Variants in EPHA4 observed in about 807,000 individuals in gnomAD.
EPHA4 encodes EPH receptor A4.
In EPHA4, 19 loss-of-function variants were observed where a neutral mutation model predicts 108.3. The observed-to-expected ratio is 0.18, with a 90% CI of 0.12 to 0.26. The LOEUF (loss-of-function observed/expected upper bound fraction) is 0.26. Among genes scored for constraint, EPHA4 ranks in the 10% least tolerant of loss-of-function variants. EPHA4 has a pLI of 1.00. For missense variants in EPHA4, 917 were observed against 1,254.0 expected (o/e 0.73, Z 4.06); for synonymous variants, 449 against 455.5 (o/e 0.99, Z 0.18).
chr2:221,546,515 A>G (rs1181154158), intron 3 of EPHA4, among the ~76,000 whole-genome samples: 1 of 151,104 alleles, frequency 6.6e-6, no homozygotes, highest in East Asian at 1.9e-4. Context: ...TATTTATTAT[A>G]TATTTTATTA....
chr2:221,427,003 G>T (rs1029334163), intron 15 of EPHA4, among the ~76,000 whole-genome samples: 5 of 152,124 alleles, frequency 3.3e-5, no homozygotes, highest in African/African-American at 1.2e-4. Context: ...ACAGACTTTC[G>T]TTCAGCAACT....
In EPHA4 at chr2:221,426,142, C is replaced by T. The variant is rs1273368397; in HGVS notation, c.2847G>A (p.Glu949=). The change falls in exon 17 of 18, where the codon GAG becomes GAA. Residue 949 remains glutamate, a splice_region_variant and synonymous_variant. Transcript: ENST00000281821. ...CTGTGATACCAATTCTTGCCAGGTC[C>T]CTGTACATAGGGCGACAAAAAAGGG... is the stretch of plus-strand genomic sequence containing the variant. ...TLEAVVHVNQ[E]DLARIGITAI... 4 of 1,613,550 alleles carry T rather than the reference C, an allele frequency of 2.5e-6. No individual in the cohort carries two copies. The highest frequency in any genetic ancestry group is 1.7e-5 in the Admixed American group (1 of 60,002).
chr2:221,436,938 C>T, intron 12 of EPHA4, 123 bp downstream of exon 12: 1 of 752,002 alleles, frequency 1.3e-6, no homozygotes, highest in Non-Finnish European at 2.3e-6. Context: ...TCCATTTCTC[C>T]TCTTCTTTCT....
chr2:221,555,510 A>G (rs1694279247), intron 3 of EPHA4, among the ~76,000 whole-genome samples: 1 of 152,224 alleles, frequency 6.6e-6, no homozygotes, highest in South Asian at 2.1e-4. Context: ...CAGTACCAAC[A>G]TGTGTGTTTC....
At chr2:221,463,850 T>A (rs950751852) in intron 5 of EPHA4, among the ~76,000 whole-genome samples, 1 of 152,184 alleles carries the variant, frequency 6.6e-6, no homozygotes, top group African/African-American at 2.4e-5. Context: ...GTTCCTGAGC[T>A]AGAAAATTGT....
intron 2 of EPHA4, among the ~76,000 whole-genome samples, chr2:221,564,887 C>CAA (rs1233305564): frequency 0.028 from 2,040 of 71,964 alleles, 57 homozygotes; most frequent in African/African-American, 0.075. Context: ...TCTAATACCT[C>CAA]AAAAAAAAAA....
chr2:221,484,553 A>G (rs1211872296), intron 4 of EPHA4, among the ~76,000 whole-genome samples: 1 of 152,196 alleles, frequency 6.6e-6, no homozygotes, highest in Non-Finnish European at 1.5e-5. Flanking sequence ...AGAAAATACA[A>G]ATTTCTTTCT....
At position 221,427,426 on chromosome 2, in the gene EPHA4, C is replaced by T. The variant is rs112071426; in HGVS notation, c.2691-807G>A. 5.8e-3 allele frequency among the ~76,000 whole-genome samples: 885 copies of T among 152,246 alleles called. 8 individuals are homozygous for T. Among genetic ancestry groups the T allele is most frequent in the African/African-American group, 0.02 (834 of 41,530 alleles). ...ATTACAGGCTGGAATTCTGCCTTTC[C>T]TAATGATATTGACATATAAAAAATC... On this transcript the variant is annotated intron_variant, in intron 15 of 17. Transcript: ENST00000281821.
chr2:221,559,662 C>T (rs1353204266), intron 3 of EPHA4, among the ~76,000 whole-genome samples: 2 of 152,168 alleles, frequency 1.3e-5, no homozygotes, highest in East Asian at 1.9e-4. Flanking sequence ...ACATCTGGAA[C>T]ATTTCTTCAT....
chr2:221,496,458 G>T (rs1692299339), intron 4 of EPHA4, among the ~76,000 whole-genome samples: 1 of 152,174 alleles, frequency 6.6e-6, no homozygotes, highest in Non-Finnish European at 1.5e-5. Flanking sequence ...GAAAGGAAGA[G>T]CCATAGGCTA....
chr2:221,445,371 C>T (rs1368672237), intron 9 of EPHA4, among the ~76,000 whole-genome samples: 1 of 151,802 alleles, frequency 6.6e-6, no homozygotes, highest in Non-Finnish European at 1.5e-5. Flanking sequence ...GGGCGGATCA[C>T]GAGGTCAGGA....
intron 4 of EPHA4, among the ~76,000 whole-genome samples, chr2:221,483,937 C>T (rs894126791): frequency 6.6e-6 from 1 of 152,156 alleles, no homozygotes; most frequent in Non-Finnish European, 1.5e-5. Flanking sequence ...CACACTCAAA[C>T]GAGACATAGC....
chr2:221,511,793 T>C (rs1692840727), intron 3 of EPHA4, among the ~76,000 whole-genome samples: 1 of 152,230 alleles, frequency 6.6e-6, no homozygotes, highest in South Asian at 2.1e-4. Context: ...ATAATCACAA[T>C]AATTCCTTTT....
At chr2:221,485,341 T>A (rs1559261562) in intron 4 of EPHA4, among the ~76,000 whole-genome samples, 1 of 152,174 alleles carries the variant, frequency 6.6e-6, no homozygotes, top group Non-Finnish European at 1.5e-5. Context: ...CGAAAACACG[T>A]GCTAAGCTAG....
chr2:221,426,744 A>G (rs1475870681), intron 15 of EPHA4, 125 bp from the exon 16 acceptor site: 26 of 830,148 alleles, frequency 3.1e-5, no homozygotes, highest in Non-Finnish European at 4.6e-5. Flanking sequence ...TAAATGGAAC[A>G]ATTGTTGTTA....
intron 4 of EPHA4, among the ~76,000 whole-genome samples, chr2:221,484,278 T>C (rs1183346916): frequency 6.6e-6 from 1 of 152,188 alleles, no homozygotes; most frequent in Non-Finnish European, 1.5e-5. Context: ...CAGTGATTAA[T>C]GGCCAATTAT....
At position 221,526,463 on chromosome 2, in the gene EPHA4, G is replaced by A. The variant is rs181852197; in HGVS notation, c.824-25291C>T. 3.5e-3 allele frequency among the ~76,000 whole-genome samples: 535 copies of A among 151,750 alleles called. 2 individuals carry two copies. Among genetic ancestry groups the A allele is most frequent in the South Asian group, 7.7e-3 (37 of 4,808 alleles). Reference sequence around the variant, plus strand: ...TGCAGGCAGGATACATGTGTCCCTCGAAGGTCATGAGCCTGATATACACGT... The same window carrying A: ...TGCAGGCAGGATACATGTGTCCCTCAAAGGTCATGAGCCTGATATACACGT... On this transcript the variant is annotated intron_variant, in intron 3 of 17. Coordinates refer to ENST00000281821, the MANE Select transcript of EPHA4 (RefSeq NM_004438.5).
intron 8 of EPHA4, among the ~76,000 whole-genome samples, chr2:221,446,926 C>A (rs753543843): frequency 6.6e-5 from 10 of 152,188 alleles, no homozygotes; most frequent in Non-Finnish European, 1.3e-4. Flanking sequence ...CATTCTGCTC[C>A]TACAACTTTT....
chr2:221,436,033 A>C (rs1690222240), intron 13 of EPHA4, among the ~76,000 whole-genome samples: 1 of 151,860 alleles, frequency 6.6e-6, no homozygotes, highest in South Asian at 2.1e-4. Flanking sequence ...TTTTCTCAGT[A>C]ATTGATCATT....
Sources: allele counts gnomAD v4.1 joint callset (sites outside exome capture counted in the v4.1 genomes callset), GRCh38; gene constraint gnomAD v4.1.1; transcripts MANE v1.5; gene names NCBI Gene and HGNC (gene_info 2026-07-23, HGNC 2026-07-21).